Variants in CDH4 observed in about 807,000 individuals in gnomAD.
CDH4 encodes the protein cadherin 4.
CDH4 carries 33 observed loss-of-function variants against 86.0 expected under a neutral mutation model. That is an observed-to-expected ratio of 0.38 (90% confidence interval 0.29 to 0.51). The LOEUF (loss-of-function observed/expected upper bound fraction) is 0.51, where lower values mean the gene tolerates loss of function less well. Ranked by LOEUF, CDH4 falls within the 20% of genes least tolerant of loss-of-function variation. CDH4 has a pLI of 0.86. For synonymous variants in CDH4, 555 were observed against 549.4 expected (o/e 1.01, Z -0.14); for missense variants, 1,114 against 1,307.4 (o/e 0.85, Z 2.28).
intron 2 of CDH4, among the ~76,000 whole-genome samples, chr20:61,428,474 G>A (rs999641818): frequency 2.0e-5 from 3 of 152,172 alleles, no homozygotes; most frequent in African/African-American, 7.2e-5. Context: ...AAGCCAGAAA[G>A]CATCTGGCTT....
At chr20:61,755,350 T>C (rs1278666846) in intron 3 of CDH4, among the ~76,000 whole-genome samples, 4 of 127,790 alleles carry the variant, frequency 3.1e-5, no homozygotes, top group African/African-American at 6.1e-5. Context: ...ACCACACACA[T>C]AGTGCATGCC....
rs377265888 is a variant in CDH4, at chr20:61,933,076, C to A, written c.2331C>A (p.Arg777=). 9 of 1,613,246 alleles carry A rather than the reference C, an allele frequency of 5.6e-6. No individual in the cohort carries two copies. The Admixed American group carries it at 8.3e-5, about 15-fold the overall frequency. ...TCATTGACCCCGAGGACGACGTCCG[C>A]GACAACATCCTCAAGTATGACGAGG... The part of the protein sequence containing the change: ...QLLIDPEDDV[R]DNILKYDEEG... The change falls in exon 14 of 16, where the codon CGC becomes CGA. Residue 777 remains arginine, a synonymous_variant. Coordinates refer to ENST00000614565, the MANE Select transcript of CDH4 (RefSeq NM_001794.5).
At chr20:61,891,786 G>A (rs1336898836) in intron 7 of CDH4, among the ~76,000 whole-genome samples, 5 of 152,194 alleles carry the variant, frequency 3.3e-5, no homozygotes, top group East Asian at 1.9e-4. Context: ...GGGTCCAACC[G>A]CACCTCCCAG....
At chr20:61,476,333 G>A (rs984156712) in intron 2 of CDH4, among the ~76,000 whole-genome samples, 5 of 152,230 alleles carry the variant, frequency 3.3e-5, no homozygotes, top group Non-Finnish European at 5.9e-5. Flanking sequence ...AACGTTTGCA[G>A]GACATTTCCT....
chr20:61,578,651 C>T (rs2145715813), intron 2 of CDH4, among the ~76,000 whole-genome samples: 1 of 152,238 alleles, frequency 6.6e-6, no homozygotes, highest in African/African-American at 2.4e-5. Flanking sequence ...AAGGACCTGG[C>T]CACCTCTCCT....
chr20:61,559,798 T>C (rs539909544), intron 2 of CDH4, among the ~76,000 whole-genome samples: 1 of 152,132 alleles, frequency 6.6e-6, no homozygotes, highest in African/African-American at 2.4e-5. Context: ...GGATTATAGG[T>C]GTGAGCCACT....
Position 61,845,228 on chromosome 20 carries a change from C to T in CDH4, c.732+405C>T, listed in dbSNP as rs75831329. 9.0e-3 allele frequency among the ~76,000 whole-genome samples: 1,365 copies of T among 152,342 alleles called. 30 individuals are homozygous for T. In the East Asian group the frequency reaches 0.1, roughly 12 times the overall value. On this transcript the variant is annotated intron_variant, in intron 5 of 15. Coordinates refer to ENST00000614565, the MANE Select transcript of CDH4 (RefSeq NM_001794.5). ...TCATGCTGCTCTTGGCCCCTTTCTC[C>T]GAAGCACAGCCCATTGTCCCTCACA... is the stretch of plus-strand genomic sequence containing the variant.
chr20:61,497,417 A>T (rs1025445408), intron 2 of CDH4, among the ~76,000 whole-genome samples: 1 of 152,188 alleles, frequency 6.6e-6, no homozygotes, highest in Non-Finnish European at 1.5e-5. Flanking sequence ...AGGGATTACA[A>T]TATACATCAC....
At chr20:61,542,892 TCCCCAGATCTCAAAAGTAGG>T (rs1027694694) in intron 2 of CDH4, among the ~76,000 whole-genome samples, 1 of 152,138 alleles carries the variant, frequency 6.6e-6, no homozygotes, top group African/African-American at 2.4e-5. Context: ...CCAGTCCAAG[TCCCCAGATCTCAAAAGTAGG>T]GAAGCCGACA....
rs1056332381 is a variant in CDH4 at position 61,544,199 on chromosome 20, G to A, written c.170-199364G>A. 7.9e-5 allele frequency among the ~76,000 whole-genome samples: 12 copies of A among 152,136 alleles called. No individual in the cohort carries two copies. Among genetic ancestry groups the A allele is most frequent in the African/African-American group, 2.2e-4 (9 of 41,436 alleles). ...TCTCTTTCAGAGATGATGCTGCCCC[G>A]TCTCCCCAGGGGACCTCGGCAATGC... On this transcript the variant is annotated intron_variant, in intron 2 of 15. Coordinates refer to ENST00000614565, the MANE Select transcript of CDH4 (RefSeq NM_001794.5). This position sits in a 1 kb window ranked among gnomAD's most constrained non-coding sequence, Gnocchi z 6.5.
At chr20:61,704,310 T>C (rs1443481742) in intron 2 of CDH4, among the ~76,000 whole-genome samples, 2 of 152,172 alleles carry the variant, frequency 1.3e-5, no homozygotes, top group South Asian at 4.2e-4. Flanking sequence ...CACTCTGACA[T>C]TCTCAGAATG....
chr20:61,799,986 T>TC (rs1979744298), intron 4 of CDH4, among the ~76,000 whole-genome samples: 2 of 151,486 alleles, frequency 1.3e-5, no homozygotes, highest in Non-Finnish European at 2.9e-5. Flanking sequence ...GCCCGTCCCT[T>TC]CCCATGACCC....
intron 2 of CDH4, among the ~76,000 whole-genome samples, chr20:61,490,862 A>T (rs1055427550): frequency 1.3e-5 from 2 of 152,204 alleles, no homozygotes; most frequent in Admixed American, 1.3e-4. Flanking sequence ...TCCTTAAAGA[A>T]ACGTAAAGTT....
chr20:61,410,302 TCATTCCTCC>T (rs756645096), intron 2 of CDH4, among the ~76,000 whole-genome samples: 6 of 152,108 alleles, frequency 3.9e-5, no homozygotes, highest in Non-Finnish European at 5.9e-5. Flanking sequence ...GTTCACCTGT[TCATTCCTCC>T]CGTTAGTCTC....
At chr20:61,817,336 G>T (rs900755294) in intron 4 of CDH4, among the ~76,000 whole-genome samples, 1 of 152,088 alleles carries the variant, frequency 6.6e-6, no homozygotes, top group African/African-American at 2.4e-5. Context: ...GCCTTGCTAC[G>T]CTGCCGCCTC....
chr20:61,800,290 G>C (rs1375752761), intron 4 of CDH4, among the ~76,000 whole-genome samples: 1 of 152,234 alleles, frequency 6.6e-6, no homozygotes, highest in Non-Finnish European at 1.5e-5. Context: ...GGGGGGCAGA[G>C]CTCCTCGCCC....
intron 2 of CDH4, among the ~76,000 whole-genome samples, chr20:61,296,280 G>GGT (rs376683190): frequency 1.5e-5 from 2 of 136,998 alleles, no homozygotes; most frequent in African/African-American, 2.8e-5. Flanking sequence ...TGTGTGCGTG[G>GGT]GTGCGTGTGT....
intron 8 of CDH4, among the ~76,000 whole-genome samples, chr20:61,899,127 C>T (rs146970991): frequency 1.8e-3 from 269 of 152,082 alleles, no homozygotes; most frequent in African/African-American, 6.1e-3. Context: ...AACCCCATCT[C>T]TACTAAAAAT....
At chr20:61,329,706 G>A (rs887122381) in intron 2 of CDH4, among the ~76,000 whole-genome samples, 1 of 152,076 alleles carries the variant, frequency 6.6e-6, no homozygotes, top group African/African-American at 2.4e-5. Flanking sequence ...GTAATTTTAA[G>A]TTCCAGGATA....
Sources: gnomAD v4.1 joint callset for allele counts (sites outside exome capture counted in the v4.1 genomes callset) on GRCh38, gnomAD v4.1.1 for gene constraint, Gnocchi (gnomAD v3.1) non-coding constraint, MANE v1.5 for transcripts, NCBI Gene and HGNC (gene_info 2026-07-23, HGNC 2026-07-21) for gene names.